The following KCNIP1 variants were observed in gnomAD, a reference collection of about 807,000 sequenced individuals.
KCNIP1 encodes potassium voltage-gated channel interacting protein 1.
KCNIP1 carries 18 observed loss-of-function variants against 33.0 expected under a neutral mutation model. That is an observed-to-expected ratio of 0.55 (90% confidence interval 0.38 to 0.81). KCNIP1 has a LOEUF of 0.81. Ranked by LOEUF, KCNIP1 falls within the 30% of genes least tolerant of loss-of-function variation. The probability of loss-of-function intolerance (pLI) is 0.00; values close to 1 mark genes in which losing one functional copy is unlikely to be tolerated. For missense variants in KCNIP1, 238 were observed against 271.6 expected (o/e 0.88, Z 0.87); for synonymous variants, 93 against 98.3 (o/e 0.95, Z 0.32).
intron 1 of KCNIP1, among the ~76,000 whole-genome samples, chr5:170,408,854 G>A (rs77273451): frequency 0.048 from 7,233 of 152,234 alleles, 223 homozygotes; most frequent in East Asian, 0.14. Context: ...GTCTTTTTGC[G>A]TGGGTATTTG....
rs1762322421 is a variant in KCNIP1 at position 170,680,976 on chromosome 5, A to C, written c.62-37782A>C. ...CAGACTGGTGGAAAATAAACCGTGC[A>C]CTTTAGAACAGCAGGAAGGGAGGCT... On this transcript the variant is annotated intron_variant, in intron 1 of 7. Coordinates refer to ENST00000328939, the MANE Select transcript of KCNIP1 (RefSeq NM_014592.4). The C allele has an allele frequency of 1.0e-5, 4 of 398,700 alleles. No individual in the cohort carries two copies. The South Asian group carries it at 5.1e-4, about 51-fold the overall frequency. The allele number at this position is 398,700 out of a possible 1,614,324, so 24.7% of individuals were successfully genotyped here.
chr5:170,617,058 T>C lies in KCNIP1; in HGVS notation c.62-101700T>C, dbSNP rs1381419356. Among the ~76,000 whole-genome samples, 4 of 152,210 alleles carry C rather than the reference T, an allele frequency of 2.6e-5. No homozygotes were observed. The East Asian group carries it at 7.7e-4, about 29-fold the overall frequency. ...CTTTCTGGCCAGGGTCCATGTCTTA[T>C]TTGTCTTGGTATCTCTAGGGCCCAG... On this transcript the variant is annotated intron_variant, in intron 1 of 7. Coordinates refer to ENST00000328939, the MANE Select transcript of KCNIP1 (RefSeq NM_014592.4).
chr5:170,699,200 C>G (rs1763005101), intron 1 of KCNIP1, among the ~76,000 whole-genome samples: 1 of 152,148 alleles, frequency 6.6e-6, no homozygotes, highest in African/African-American at 2.4e-5. Flanking sequence ...ATCCATAACC[C>G]TAACTCTCAG....
intron 1 of KCNIP1, among the ~76,000 whole-genome samples, chr5:170,578,765 G>T (rs888608380): frequency 2.6e-5 from 4 of 152,214 alleles, no homozygotes; most frequent in Non-Finnish European, 5.9e-5. Flanking sequence ...TGGAGAGAGG[G>T]TTCTACTTAG....
At chr5:170,371,738 T>C (rs1173785975) in intron 1 of KCNIP1, among the ~76,000 whole-genome samples, 1 of 152,228 alleles carries the variant, frequency 6.6e-6, no homozygotes, top group Non-Finnish European at 1.5e-5. Flanking sequence ...AATGATAGAT[T>C]CTTGCACAGC....
chr5:170,584,595 G>A lies in KCNIP1; in HGVS notation c.61+79962G>A, dbSNP rs556665889. Among the ~76,000 whole-genome samples, 9 of 152,276 alleles carry A rather than the reference G, an allele frequency of 5.9e-5. No homozygotes were observed. The South Asian group carries it at 1.9e-3, about 32-fold the overall frequency. On this transcript the variant is annotated intron_variant, in intron 1 of 7. Coordinates refer to ENST00000328939, the MANE Select transcript of KCNIP1 (RefSeq NM_014592.4). The stretch of plus-strand genomic sequence containing the variant: ...AGACAGAAAGACCAGCTTGGAGAGT[G>A]GTTGAGTCTGCACGAGGCGTGGAGG...
At chr5:170,719,659 C>A (rs1409583173) in intron 2 of KCNIP1, among the ~76,000 whole-genome samples, 2 of 152,152 alleles carry the variant, frequency 1.3e-5, no homozygotes, top group African/African-American at 4.8e-5. Flanking sequence ...ACCACAGCCT[C>A]AATGTTCTCC....
chr5:170,684,757 C>A (rs531049752), intron 1 of KCNIP1, among the ~76,000 whole-genome samples: 3 of 152,292 alleles, frequency 2.0e-5, no homozygotes, highest in South Asian at 2.1e-4. Context: ...TGTTCCTCTG[C>A]AACCTGAGCC....
At chr5:170,388,496 G>A (rs1308082895) in intron 1 of KCNIP1, among the ~76,000 whole-genome samples, 1 of 152,230 alleles carries the variant, frequency 6.6e-6, no homozygotes, top group Non-Finnish European at 1.5e-5. Flanking sequence ...AAATATCTCT[G>A]AAGTTCCAGG....
At chr5:170,652,519 A>AAGGG (rs1279969861) in intron 1 of KCNIP1, among the ~76,000 whole-genome samples, 5 of 134,890 alleles carry the variant, frequency 3.7e-5, no homozygotes, top group Admixed American at 7.7e-5. Flanking sequence ...GGAAGGAAGG[A>AAGGG]GAAAAGAAAA....
At chr5:170,693,824 G>T (rs1219259612) in intron 1 of KCNIP1, among the ~76,000 whole-genome samples, 1 of 152,220 alleles carries the variant, frequency 6.6e-6, no homozygotes, top group African/African-American at 2.4e-5. Flanking sequence ...AGAAAGTGGA[G>T]GGGGTCTGAG....
chr5:170,503,127 C>T (rs1374741970), upstream of KCNIP1, among the ~76,000 whole-genome samples: 2 of 152,062 alleles, frequency 1.3e-5, no homozygotes, highest in East Asian at 1.9e-4. Flanking sequence ...GGGTGGCTCT[C>T]GCCTGTAATC....
intron 1 of KCNIP1, among the ~76,000 whole-genome samples, chr5:170,702,736 G>A (rs1763139557): frequency 6.6e-6 from 1 of 152,152 alleles, no homozygotes; most frequent in African/African-American, 2.4e-5. Flanking sequence ...GATGTGATTA[G>A]TCTCTGTGAC....
chr5:170,671,924 A>G (rs982439456), intron 1 of KCNIP1, among the ~76,000 whole-genome samples: 1 of 152,250 alleles, frequency 6.6e-6, no homozygotes, highest in African/African-American at 2.4e-5. Context: ...GTAACAAAAA[A>G]GAGACACAAA....
chr5:170,513,933 A>G (rs1230013157), intron 1 of KCNIP1, among the ~76,000 whole-genome samples: 2 of 152,204 alleles, frequency 1.3e-5, no homozygotes, highest in African/African-American at 4.8e-5. Context: ...GGAGTCCTGT[A>G]ATGGTTTCAT....
At chr5:170,610,334 A>G (rs1193064690) in intron 1 of KCNIP1, among the ~76,000 whole-genome samples, 1 of 152,220 alleles carries the variant, frequency 6.6e-6, no homozygotes, top group Non-Finnish European at 1.5e-5. Context: ...TCCCCATTAT[A>G]AACACCATCA....
intron 1 of KCNIP1, among the ~76,000 whole-genome samples, chr5:170,361,739 G>A (rs1263929898): frequency 6.6e-6 from 1 of 152,194 alleles, no homozygotes; most frequent in African/African-American, 2.4e-5. Context: ...CTTACAGACA[G>A]CATCTCCTGC....
At chr5:170,401,733 G>C (rs1754909334) in intron 1 of KCNIP1, among the ~76,000 whole-genome samples, 1 of 150,882 alleles carries the variant, frequency 6.6e-6, no homozygotes, top group Non-Finnish European at 1.5e-5. Flanking sequence ...CTGCACTTTA[G>C]CTTGAGTGAC....
At chr5:170,406,627 C>T (rs1490983112) in intron 1 of KCNIP1, among the ~76,000 whole-genome samples, 1 of 152,138 alleles carries the variant, frequency 6.6e-6, no homozygotes, top group African/African-American at 2.4e-5. Context: ...GCTTACTAGC[C>T]CTCATACCCA....
Sources: allele counts gnomAD v4.1 joint callset (sites outside exome capture counted in the v4.1 genomes callset), GRCh38; gene constraint gnomAD v4.1.1; transcripts MANE v1.5; gene names NCBI Gene and HGNC (gene_info 2026-07-23, HGNC 2026-07-21).